The following BNC2 variants were observed in gnomAD, a reference collection of about 807,000 sequenced individuals.
BNC2 encodes the protein basonuclin zinc finger protein 2, also known as zinc finger protein basonuclin-2.
BNC2 carries 20 observed loss-of-function variants against 76.3 expected under a neutral mutation model. The ratio of observed to expected loss-of-function variants is 0.26; its 90% CI spans 0.18 to 0.38. The LOEUF (loss-of-function observed/expected upper bound fraction) is 0.38, where lower values mean the gene tolerates loss of function less well. Among genes scored for constraint, BNC2 ranks in the 10% least tolerant of loss-of-function variants. BNC2 has a pLI of 1.00. For missense variants in BNC2, 1,382 were observed against 1,399.8 expected (o/e 0.99, Z 0.20); for synonymous variants, 582 against 514.8 (o/e 1.13, Z -1.77).
chr9:16,497,951 C>T (rs955770686), intron 5 of BNC2, among the ~76,000 whole-genome samples: 6 of 146,628 alleles, frequency 4.1e-5, no homozygotes, highest in East Asian at 4.1e-4. Flanking sequence ...AAATGCCCAC[C>T]GATCAATGAG....
rs188065347 is a variant in BNC2 at position 16,701,282 on chromosome 9, T to A, written c.330+26515A>T. 7.0e-3 allele frequency among the ~76,000 whole-genome samples: 1,059 copies of A among 152,338 alleles called. 3 individuals are homozygous for A. The highest frequency in any genetic ancestry group is 0.012 in the Non-Finnish European group (828 of 68,024). ...TACAACTAACTTTCTTTTTTCTTTT[T>A]AAATAGCTAGCTTAAATGATATATG... On this transcript the variant is annotated intron_variant, in intron 3 of 6. Transcript: ENST00000380672.
intron 4 of BNC2, among the ~76,000 whole-genome samples, chr9:16,578,091 C>T (rs889852109): frequency 6.6e-6 from 1 of 151,692 alleles, no homozygotes; most frequent in Non-Finnish European, 1.5e-5. Context: ...AAATGAGCTT[C>T]ATCAGAAGAA....
At chr9:16,607,557 A>T (rs1820420823) in intron 3 of BNC2, among the ~76,000 whole-genome samples, 1 of 152,228 alleles carries the variant, frequency 6.6e-6, no homozygotes, top group Admixed American at 6.5e-5. Flanking sequence ...AAATTTTCAA[A>T]GCAAAAAAAG....
chr9:16,647,260 AG>A (rs1396066550), intron 3 of BNC2, among the ~76,000 whole-genome samples: 1 of 152,112 alleles, frequency 6.6e-6, no homozygotes, highest in Middle Eastern at 3.2e-3. Context: ...CTTGCCAAAA[AG>A]GGGTAGGTGG....
At chr9:16,462,547 A>G (rs946513443) in intron 5 of BNC2, among the ~76,000 whole-genome samples, 1 of 152,240 alleles carries the variant, frequency 6.6e-6, no homozygotes, top group Non-Finnish European at 1.5e-5. Context: ...AGAGAAAAAA[A>G]GCCCTATCTA....
At chr9:16,767,095 C>A (rs1825715752) in intron 1 of BNC2, among the ~76,000 whole-genome samples, 1 of 152,180 alleles carries the variant, frequency 6.6e-6, no homozygotes, top group Non-Finnish European at 1.5e-5. Context: ...ACTTCATTCC[C>A]AAAGGAGAAT....
chr9:16,542,293 T>TG (rs1185370317), intron 5 of BNC2, among the ~76,000 whole-genome samples: 6 of 152,228 alleles, frequency 3.9e-5, no homozygotes, highest in Admixed American at 1.3e-4. Context: ...CTCTCTTATT[T>TG]GGGGGGCCTC....
intron 5 of BNC2, among the ~76,000 whole-genome samples, chr9:16,467,973 A>G (rs906210067): frequency 5.3e-5 from 8 of 150,638 alleles, no homozygotes; most frequent in Admixed American, 2.6e-4. Context: ...TTCCAATTCT[A>G]TCCTTGAGTG....
intron 3 of BNC2, among the ~76,000 whole-genome samples, chr9:16,700,736 G>A (rs1386070497): frequency 6.6e-6 from 1 of 152,090 alleles, no homozygotes; most frequent in Non-Finnish European, 1.5e-5. Context: ...GATGCAGATG[G>A]ATCACCTGAA....
At chr9:16,787,635 T>G (rs1442484475) in intron 1 of BNC2, among the ~76,000 whole-genome samples, 2 of 152,220 alleles carry the variant, frequency 1.3e-5, no homozygotes, top group Non-Finnish European at 2.9e-5. Context: ...TGTATTTTTG[T>G]GGTGAATCAC....
chr9:16,570,755 T>C (rs189501819), intron 4 of BNC2, among the ~76,000 whole-genome samples: 1 of 152,310 alleles, frequency 6.6e-6, no homozygotes, highest in East Asian at 1.9e-4. Context: ...AGTGGGCTGT[T>C]TGACATGTAT....
At chr9:16,832,018 C>A (rs532319752) in intron 1 of BNC2, among the ~76,000 whole-genome samples, 1 of 152,056 alleles carries the variant, frequency 6.6e-6, no homozygotes, top group Non-Finnish European at 1.5e-5. Flanking sequence ...TTAAAGAAAG[C>A]CAGAAAAGTT....
Position 16,738,439 on chromosome 9 carries a change from G to A in BNC2, c.50C>T (p.Ser17Leu). Reference sequence around the variant, plus strand: ...GTCTTGCTCACTAAGCCTGTCCTCTGATTTGTAATTAAGGCTATGTGGAGG... The same window carrying A: ...GTCTTGCTCACTAAGCCTGTCCTCTAATTTGTAATTAAGGCTATGTGGAGG... Reference protein sequence around the residue: ...TPPPHSLNYKSEDRLSEQDWP... With the variant: ...TPPPHSLNYKLEDRLSEQDWP... The change falls in exon 2 of 7, where the codon TCA becomes TTA. Residue 17 changes from serine to leucine, a missense_variant. Physicochemically the swap from Ser to Leu is moderately radical, Grantham distance 145 (BLOSUM62 -2). Coordinates refer to ENST00000380672, the MANE Select transcript of BNC2 (RefSeq NM_017637.6). The A allele has an allele frequency of 6.2e-7, 1 of 1,614,070 alleles. No homozygotes were observed. The highest frequency in any genetic ancestry group is 8.5e-7 in the Non-Finnish European group (1 of 1,179,958).
At chr9:16,697,630 C>T (rs1229356364) in intron 3 of BNC2, among the ~76,000 whole-genome samples, 1 of 148,712 alleles carries the variant, frequency 6.7e-6, no homozygotes, top group African/African-American at 2.5e-5. Context: ...CTAAGAGGCA[C>T]AAGAATTGCT....
rs183431919 is a variant in BNC2, at chr9:16,733,220, G to A, written c.129+5140C>T. 2.6e-3 allele frequency among the ~76,000 whole-genome samples: 396 copies of A among 152,188 alleles called. 1 individual carries two copies. Among genetic ancestry groups the A allele is most frequent in the African/African-American group, 9.2e-3 (382 of 41,554 alleles). On this transcript the variant is annotated intron_variant, in intron 2 of 6. Coordinates refer to ENST00000380672, the MANE Select transcript of BNC2 (RefSeq NM_017637.6). ...TGTGAAATGTTAACAGATGTCTTAA[G>A]TGAAAAAAGAAGTAATAAAGGAAAC...
intron 5 of BNC2, among the ~76,000 whole-genome samples, chr9:16,499,940 A>G (rs1484235788): frequency 2.0e-5 from 3 of 151,940 alleles, no homozygotes; most frequent in Non-Finnish European, 4.4e-5. Flanking sequence ...GGCTCTTGGA[A>G]CTCAGCTTTC....
Position 16,647,226 on chromosome 9 carries a change from T to A in BNC2, c.331-64141A>T, listed in dbSNP as rs554001262. On this transcript the variant is annotated intron_variant, in intron 3 of 6. Transcript: ENST00000380672. ...TGTTCCAATTAACTCCACTCTTTGT[T>A]GCAACTTGCTGACTCGGGTGTCCCT... Among the ~76,000 whole-genome samples, 3 of 152,256 alleles carry A rather than the reference T, an allele frequency of 2.0e-5. No homozygotes were observed. The South Asian group carries it at 6.2e-4, about 31-fold the overall frequency.
intron 1 of BNC2, among the ~76,000 whole-genome samples, chr9:16,765,561 T>C (rs1360908237): frequency 2.6e-5 from 4 of 152,156 alleles, no homozygotes; most frequent in African/African-American, 9.7e-5. Context: ...ATATGTTAGG[T>C]AATGAAATGC....
chr9:16,777,484 A>G (rs908295072), intron 1 of BNC2, among the ~76,000 whole-genome samples: 2 of 152,110 alleles, frequency 1.3e-5, no homozygotes, highest in African/African-American at 2.4e-5. Context: ...GCAGATCACG[A>G]GGTCAGGAGA....
Sources: allele counts gnomAD v4.1 joint callset (sites outside exome capture counted in the v4.1 genomes callset), GRCh38; gene constraint gnomAD v4.1.1; transcripts MANE v1.5; gene names NCBI Gene and HGNC (gene_info 2026-07-23, HGNC 2026-07-21).